NOL3: variants seen among roughly 807,000 people sequenced by gnomAD.
NOL3 encodes nucleolar protein 3.
Under a neutral mutation model 19.2 loss-of-function variants are expected in NOL3, and 18 were observed. The ratio of observed to expected loss-of-function variants is 0.94; its 90% CI spans 0.65 to 1.39. The LOEUF is 1.39. Among genes scored for constraint, NOL3 ranks in the 40% most tolerant of loss-of-function variants. The probability of loss-of-function intolerance (pLI) is 0.00; values close to 1 mark genes in which losing one functional copy is unlikely to be tolerated. For missense variants in NOL3, 290 were observed against 289.5 expected, an observed-to-expected ratio of 1.00 and a Z score of -0.01; for synonymous variants, 127 against 137.3, an observed-to-expected ratio of 0.93 and a Z score of 0.52.
At chr16:67,173,935 G>C (rs567423224) in intron 1 of NOL3, 3 of 1,536,376 alleles carry the variant, frequency 2.0e-6, no homozygotes, top group East Asian at 4.9e-5. Context: ...ACAGAAGGAG[G>C]AGCCTGAGGA....
intron 1 of NOL3, chr16:67,171,213 TGAA>T (rs1410956804): frequency 2.0e-5 from 3 of 152,330 alleles, no homozygotes; most frequent in Non-Finnish European, 4.4e-5. Flanking sequence ...AAAACTCAGT[TGAA>T]GAAAGCGGAG....
intron 1 of NOL3, 46 bp from the exon 2 acceptor site, chr16:67,174,116 C>A: frequency 6.2e-7 from 1 of 1,600,334 alleles, no homozygotes. Flanking sequence ...GCGAGGGCAG[C>A]GGGGAGGGCA....
At chr16:67,174,188 C>A in exon 2 of NOL3, 1 of 1,610,500 alleles carries the variant, frequency 6.2e-7, no homozygotes, top group Non-Finnish European at 8.5e-7. Flanking sequence ...CGCGCAGGAG[C>A]GGCCGTCAGA....
At chr16:67,174,165 C>G in exon 2 of NOL3, 2 of 1,607,556 alleles carry the variant, frequency 1.2e-6, no homozygotes, top group South Asian at 1.1e-5. Flanking sequence ...CATGCAGCCC[C>G]GACAATGGGC....
intron 1 of NOL3, 116 bp from the exon 2 acceptor site, chr16:67,174,046 G>A (rs2031942077): frequency 1.3e-6 from 2 of 1,559,178 alleles, no homozygotes; most frequent in African/African-American, 1.4e-5. Context: ...CTGGGATCGA[G>A]GTGAACTTAA....
chr16:67,174,974 TTGGCGGGAGGGCA>T, intron 3 of NOL3, 30 bp downstream of exon 3: 1 of 1,609,438 alleles, frequency 6.2e-7, no homozygotes, highest in Non-Finnish European at 8.5e-7. Flanking sequence ...CTGAGCCGGC[TTGGCGGGAGGGCA>T]TGGCCTGGGA....
chr16:67,175,202 C>G (rs1366802492), exon 4 of NOL3: 3 of 1,539,068 alleles, frequency 1.9e-6, no homozygotes, highest in South Asian at 1.2e-5. Context: ...GACCTGGGCT[C>G]TCTCCACGAT....
exon 3 of NOL3, chr16:67,174,671 G>A: frequency 6.3e-7 from 1 of 1,586,590 alleles, no homozygotes; most frequent in Non-Finnish European, 8.6e-7. Flanking sequence ...CTGGACGCCG[G>A]AGGCACCCGG....
At position 67,174,603 on chromosome 16, in the gene NOL3, C is replaced by T. The variant is rs780378698; in HGVS notation, c.296-18C>T. 2 of 1,521,236 alleles carry T rather than the reference C, an allele frequency of 1.3e-6. No individual in the cohort carries two copies. The highest frequency in any genetic ancestry group is 4.5e-5 in the East Asian group (2 of 44,180). 94.2% of individuals were successfully genotyped at this position (1,521,236 alleles called of 1,614,324 possible). On this transcript the variant is annotated intron_variant, in intron 2 of 3. Transcript: ENST00000268605. ...ACAGGGGTAAATTGAGCCTCAGTCACTCCCACTTCCGCCCCAGGCTACCGG... is the reference window on the plus strand; with the variant it reads ...ACAGGGGTAAATTGAGCCTCAGTCATTCCCACTTCCGCCCCAGGCTACCGG...
At chr16:67,174,810 C>T in exon 3 of NOL3, 1 of 1,604,470 alleles carries the variant, frequency 6.2e-7, no homozygotes, top group Non-Finnish European at 8.5e-7. Context: ...GCTGAGGCCT[C>T]TAAAGAGGCT....
rs181139137 is a variant in NOL3 at position 67,175,035 on chromosome 16, C to A, written c.620-12C>A. On this transcript the variant is annotated splice_polypyrimidine_tract_variant and intron_variant, in intron 3 of 3. Coordinates refer to ENST00000268605, the Ensembl canonical transcript of NOL3. Reference sequence around the variant, plus strand: ...ACCCCACCTCTTTGACCACTGTTCCCGTCATCTCTAGATTCCTGAAGGCCA... The same window carrying A: ...ACCCCACCTCTTTGACCACTGTTCCAGTCATCTCTAGATTCCTGAAGGCCA... The A allele has an allele frequency of 2.5e-6, 4 of 1,614,122 alleles. No individual in the cohort carries two copies. Among genetic ancestry groups the A allele is most frequent in the Non-Finnish European group, 3.4e-6 (4 of 1,179,954 alleles).
At chr16:67,174,661 C>A in exon 3 of NOL3, 1 of 1,579,656 alleles carries the variant, frequency 6.3e-7, no homozygotes, top group Non-Finnish European at 8.6e-7. Flanking sequence ...GCCCAGGCCA[C>A]TGGACGCCGG....
chr16:67,173,218 A>G (rs2031879177), intron 1 of NOL3, among the ~76,000 whole-genome samples: 1 of 152,342 alleles, frequency 6.6e-6, no homozygotes, highest in African/African-American at 2.4e-5. Context: ...AGATCAAACA[A>G]CAAATGTCTG....
At chr16:67,173,753 G>C in intron 1 of NOL3, 3 of 950,806 alleles carry the variant, frequency 3.2e-6, no homozygotes, top group Non-Finnish European at 4.6e-6. Context: ...TGGTTAGGTG[G>C]GGAAGCAGAT....
intron 2 of NOL3, 26 bp downstream of exon 2, chr16:67,174,490 G>A (rs762898565): frequency 6.8e-7 from 1 of 1,474,832 alleles, no homozygotes; most frequent in African/African-American, 1.4e-5. Flanking sequence ...GGGGCCTAGG[G>A]CAGAGCAGGG....
rs1432737847 is a variant in NOL3, at chr16:67,174,952, T to TCCGC, written c.619+11_619+14dup. The TCCGC allele has an allele frequency of 6.2e-7, 1 of 1,610,636 alleles. No homozygotes were observed. Among genetic ancestry groups the TCCGC allele is most frequent in the South Asian group, 1.1e-5 (1 of 90,830 alleles). On this transcript the variant is annotated intron_variant, in intron 3 of 3. Coordinates refer to ENST00000268605, the Ensembl canonical transcript of NOL3. ...AAAGGGACGAGTCCGAAGGTGTGAG[T>TCCGC]CCGCCCAAACCCTGAGCCGGCTTGG...
intron 1 of NOL3, 29 bp from the exon 2 acceptor site, chr16:67,174,133 C>CA (rs2031954270): frequency 6.2e-7 from 1 of 1,603,920 alleles, no homozygotes; most frequent in Non-Finnish European, 8.5e-7. Context: ...GGCAACCCCC[C>CA]ATTACTTCTC....
rs1431757079 is a variant in NOL3 at position 67,170,777 on chromosome 16, G to GC, written c.-9+204dup. ...GGGACTGGGTGGAGGGAGGTAAGGG[G>GC]CGGGGGGGGAAAATCCGTGCAGTCG... On this transcript the variant is annotated intron_variant, in intron 1 of 3. Transcript: ENST00000268605. This position sits in a 1 kb window ranked among gnomAD's most constrained non-coding sequence, Gnocchi z 5.7. Among the ~76,000 whole-genome samples, 2 of 145,398 alleles carry GC rather than the reference G, an allele frequency of 1.4e-5. No homozygotes were observed. Among genetic ancestry groups the GC allele is most frequent in the Admixed American group, 6.6e-5 (1 of 15,110 alleles).
chr16:67,175,485 C>A, exon 4 of NOL3: 2 of 348,044 alleles, frequency 5.7e-6, no homozygotes, highest in Non-Finnish European at 8.5e-6. Context: ...GAACATGGAG[C>A]AAGGGGAGGG....
Sources: allele counts gnomAD v4.1 joint callset (sites outside exome capture counted in the v4.1 genomes callset), GRCh38; gene constraint gnomAD v4.1.1; non-coding constraint Gnocchi (gnomAD v3.1); transcripts MANE v1.5; gene names NCBI Gene and HGNC (gene_info 2026-07-23, HGNC 2026-07-21).